SMKR1: variants seen among roughly 807,000 people sequenced by gnomAD.
SMKR1 encodes small lysine rich protein 1, also known as small lysine-rich protein 1.
Under a neutral mutation model 4.0 loss-of-function variants are expected in SMKR1, and 4 were observed. That is an observed-to-expected ratio of 1.00 (90% CI 0.49 to 2.30). SMKR1 has a LOEUF of 2.30. SMKR1 is among the 30% of genes most tolerant of loss of function. The pLI is 0.02. For synonymous variants in SMKR1, 38 were observed against 32.5 expected (o/e 1.17, Z -0.58); for missense variants, 56 against 81.8 (o/e 0.68, Z 1.22).
chr7:129,502,696 CCT>C lies in SMKR1; in HGVS notation c.-128_-127del. ...AGTGAGGCTGGGCCCGTGGCGGTTC[CCT>C]GAGGAGGGCCGAGAAGGGGCCGGGG... On this transcript the variant is annotated 5_prime_UTR_variant, in exon 1 of 2. Coordinates refer to ENST00000462322, the MANE Select transcript of SMKR1 (RefSeq NM_001195243.2). 7.1e-7 allele frequency: 1 copy of C among 1,416,076 alleles called. No individual in the cohort carries two copies. Among genetic ancestry groups the C allele is most frequent in the Non-Finnish European group, 9.6e-7 (1 of 1,044,126 alleles). 87.7% of individuals were successfully genotyped at this position (1,416,076 alleles called of 1,614,324 possible).
chr7:129,512,230 A>G lies in SMKR1; in HGVS notation c.4-17A>G. 6.7e-7 allele frequency: 1 copy of G among 1,499,010 alleles called. No homozygotes were observed. Among genetic ancestry groups the G allele is most frequent in the Non-Finnish European group, 8.8e-7 (1 of 1,135,548 alleles). 92.9% of individuals were successfully genotyped at this position (1,499,010 alleles called of 1,614,324 possible). On this transcript the variant is annotated splice_polypyrimidine_tract_variant and intron_variant, in intron 1 of 1. Coordinates refer to ENST00000462322, the MANE Select transcript of SMKR1 (RefSeq NM_001195243.2). Reference sequence around the variant, plus strand: ...AACTAACTTCCCTCCTCCCATATTTATATTTGTCTTTGAAAGCCAGCTAAA... The same window carrying G: ...AACTAACTTCCCTCCTCCCATATTTGTATTTGTCTTTGAAAGCCAGCTAAA...
In SMKR1 at chr7:129,512,516, C is replaced by A; in HGVS notation, c.*75C>A. On this transcript the variant is annotated 3_prime_UTR_variant, in exon 2 of 2. Coordinates refer to ENST00000462322, the MANE Select transcript of SMKR1 (RefSeq NM_001195243.2). ...GAAGTCAGGATAACACAACTGTTGC[C>A]AGCAACATAGACTTTACTCCAGACG... 1 of 1,382,232 alleles carries A rather than the reference C, an allele frequency of 7.2e-7. No individual in the cohort carries two copies. The highest frequency in any genetic ancestry group is 9.5e-7 in the Non-Finnish European group (1 of 1,049,914). 85.6% of individuals were successfully genotyped at this position (1,382,232 alleles called of 1,614,324 possible).
chr7:129,502,538 G>C lies in SMKR1; in HGVS notation c.-287G>C, dbSNP rs1460248706. The C allele has an allele frequency of 6.4e-6, 2 of 313,074 alleles. No individual in the cohort carries two copies. Among genetic ancestry groups the C allele is most frequent in the East Asian group, 5.2e-5 (1 of 19,332 alleles). The allele number at this position is 313,074 out of a possible 1,614,324, so 19.4% of individuals were successfully genotyped here. A position where few individuals can be genotyped will look rare whatever the true frequency, so the allele number is the denominator to read the frequency against. ...CGGCCCCGCCCCCGAGGCGCACGCCGGCCCAGCGCCCACAGCTGCGGCGGC... is the reference window on the plus strand; with the variant it reads ...CGGCCCCGCCCCCGAGGCGCACGCCCGCCCAGCGCCCACAGCTGCGGCGGC... On this transcript the variant is annotated 5_prime_UTR_variant, in exon 1 of 2. Transcript: ENST00000462322.
chr7:129,509,380 C>G (rs1234860754), intron 1 of SMKR1, among the ~76,000 whole-genome samples: 2 of 152,086 alleles, frequency 1.3e-5, no homozygotes, highest in African/African-American at 4.8e-5. Context: ...ATGTACATCC[C>G]GTACCTCATG....
chr7:129,505,345 TA>T (rs1412427480), intron 1 of SMKR1, among the ~76,000 whole-genome samples: 5 of 152,204 alleles, frequency 3.3e-5, no homozygotes, highest in Non-Finnish European at 7.4e-5. Context: ...CCCCTGTCCC[TA>T]GCCTGGGACA....
chr7:129,506,812 T>C (rs574574270), intron 1 of SMKR1, among the ~76,000 whole-genome samples: 3 of 151,818 alleles, frequency 2.0e-5, no homozygotes, highest in South Asian at 4.2e-4. Flanking sequence ...GGTTATACCA[T>C]GGTCTATCCA....
intron 1 of SMKR1, among the ~76,000 whole-genome samples, chr7:129,507,179 C>A (rs1562927906): frequency 1.3e-5 from 2 of 152,096 alleles, no homozygotes; most frequent in Non-Finnish European, 2.9e-5. Flanking sequence ...CCATGCCCAG[C>A]TAATTTTTTG....
At chr7:129,503,093 TAAAG>T (rs1799428006) in intron 1 of SMKR1, among the ~76,000 whole-genome samples, 1 of 151,148 alleles carries the variant, frequency 6.6e-6, no homozygotes, top group Non-Finnish European at 1.5e-5. Context: ...ATGTGGAAAA[TAAAG>T]GGAGGGTGGC....
intron 1 of SMKR1, 86 bp from the exon 2 acceptor site, chr7:129,512,161 G>A (rs1324002824): frequency 7.8e-7 from 1 of 1,283,334 alleles, no homozygotes; most frequent in Non-Finnish European, 1.0e-6. Flanking sequence ...TCCAGCCTGG[G>A]TGTTGGGAGT....
chr7:129,503,014 G>A (rs1329082837), intron 1 of SMKR1, among the ~76,000 whole-genome samples, 187 bp downstream of exon 1: 4 of 151,678 alleles, frequency 2.6e-5, no homozygotes, highest in African/African-American at 9.8e-5. Context: ...CAGCCGCGGA[G>A]TCAGGCCAGC....
At chr7:129,510,783 G>A (rs1429230953) in intron 1 of SMKR1, among the ~76,000 whole-genome samples, 1 of 152,004 alleles carries the variant, frequency 6.6e-6, no homozygotes, top group African/African-American at 2.4e-5. Flanking sequence ...TCTCACATCA[G>A]ACATGGTGCT....
At chr7:129,508,247 GT>G (rs1202934979) in intron 1 of SMKR1, among the ~76,000 whole-genome samples, 1 of 152,126 alleles carries the variant, frequency 6.6e-6, no homozygotes, top group Non-Finnish European at 1.5e-5. Flanking sequence ...AGCACCATAT[GT>G]TGAACAAGAT....
At chr7:129,505,781 C>T (rs983002168) in intron 1 of SMKR1, among the ~76,000 whole-genome samples, 2 of 152,144 alleles carry the variant, frequency 1.3e-5, no homozygotes, top group Non-Finnish European at 2.9e-5. Context: ...CCCAGCCTGT[C>T]AAGGAGGTTT....
At chr7:129,506,687 T>TG (rs1799468636) in intron 1 of SMKR1, among the ~76,000 whole-genome samples, 1 of 12,566 alleles carries the variant, frequency 8.0e-5, no homozygotes, top group Non-Finnish European at 1.9e-4. Flanking sequence ...ATACATTATG[T>TG]TTTTTTTTTT....
intron 1 of SMKR1, among the ~76,000 whole-genome samples, chr7:129,506,864 C>CTTTTTTTTTTTTT (rs149799446): frequency 7.6e-6 from 1 of 132,258 alleles, no homozygotes. Flanking sequence ...TCTTTCTTTT[C>CTTTTTTTTTTTTT]TTTTTTTTTT....
chr7:129,509,683 G>A (rs1355253748), intron 1 of SMKR1, among the ~76,000 whole-genome samples: 1 of 152,092 alleles, frequency 6.6e-6, no homozygotes, highest in Non-Finnish European at 1.5e-5. Context: ...TGGGATTACA[G>A]GTGCACGCCA....
At chr7:129,506,574 C>A (rs657664) in intron 1 of SMKR1, among the ~76,000 whole-genome samples, 104,266 of 151,882 alleles carry the variant, frequency 0.69, 36,405 homozygotes, top group East Asian at 0.96. Flanking sequence ...TCTCTCTTGC[C>A]CCTCTCTGTA....
At chr7:129,508,185 G>A (rs2151027972) in intron 1 of SMKR1, among the ~76,000 whole-genome samples, 1 of 152,122 alleles carries the variant, frequency 6.6e-6, no homozygotes, top group African/African-American at 2.4e-5. Context: ...TTTATATATG[G>A]TGAGACTATG....
chr7:129,506,482 G>T (rs1227422897), intron 1 of SMKR1, among the ~76,000 whole-genome samples: 1 of 152,066 alleles, frequency 6.6e-6, no homozygotes, highest in Non-Finnish European at 1.5e-5. Flanking sequence ...TGATAGGTTT[G>T]GCAAATGTGT....
Sources: gnomAD v4.1 joint callset for allele counts (sites outside exome capture counted in the v4.1 genomes callset) on GRCh38, gnomAD v4.1.1 for gene constraint, MANE v1.5 for transcripts, NCBI Gene and HGNC (gene_info 2026-07-23, HGNC 2026-07-21) for gene names.